SMARCAD1: variants seen among roughly 807,000 people sequenced by gnomAD.
SMARCAD1 encodes SWI/SNF-related matrix-associated actin-dependent regulator of chromatin subfamily A containing DEAD/H box 1.
In SMARCAD1, 25 loss-of-function variants were observed where a neutral mutation model predicts 127.1. That is an observed-to-expected ratio of 0.20 (90% CI 0.14 to 0.27). The LOEUF is 0.27. SMARCAD1 is among the 10% of genes least tolerant of loss of function. The pLI is 1.00. For missense variants in SMARCAD1, 807 were observed against 1,206.0 expected (o/e 0.67, Z 4.90); for synonymous variants, 400 against 396.9 (o/e 1.01, Z -0.09).
At chr4:94,271,620 T>C (rs984639625) in intron 11 of SMARCAD1, among the ~76,000 whole-genome samples, 2 of 152,244 alleles carry the variant, frequency 1.3e-5, no homozygotes, top group Non-Finnish European at 2.9e-5. Flanking sequence ...TATTTCATAC[T>C]GTCATTAAAA....
chr4:94,264,198 G>A, intron 9 of SMARCAD1, among the ~76,000 whole-genome samples: 1 of 151,924 alleles, frequency 6.6e-6, no homozygotes, highest in South Asian at 2.1e-4. Context: ...AACTTGAGGG[G>A]CTATACTTTG....
At chr4:94,235,725 A>G (rs1456356596) in intron 4 of SMARCAD1, among the ~76,000 whole-genome samples, 1 of 151,974 alleles carries the variant, frequency 6.6e-6, no homozygotes, top group East Asian at 1.9e-4. Flanking sequence ...AGAGCTTCTA[A>G]TAGAATAAAC....
At chr4:94,233,925 G>A (rs1025722333) in intron 3 of SMARCAD1, 29 bp from the exon 4 acceptor site, 1 of 1,610,090 alleles carries the variant, frequency 6.2e-7, no homozygotes, top group Non-Finnish European at 8.5e-7. Context: ...CATTAAAAAT[G>A]TTTTTTGCTC....
intron 19 of SMARCAD1, among the ~76,000 whole-genome samples, chr4:94,279,854 TTTCTTC>T (rs879305395): frequency 3.0e-4 from 45 of 152,158 alleles, no homozygotes; most frequent in Non-Finnish European, 4.9e-4. Context: ...AGCAACCCAT[TTTCTTC>T]CTTTTCTTTA....
chr4:94,237,212 A>G (rs536897724), intron 5 of SMARCAD1, among the ~76,000 whole-genome samples, 194 bp downstream of exon 5: 14 of 152,224 alleles, frequency 9.2e-5, no homozygotes, highest in African/African-American at 2.6e-4. Context: ...CTGCTTTTCT[A>G]CCAATCAAAT....
chr4:94,280,545 T>C, intron 19 of SMARCAD1, 47 bp from the exon 20 acceptor site: 1 of 1,496,766 alleles, frequency 6.7e-7, no homozygotes, highest in Non-Finnish European at 9.3e-7. Flanking sequence ...CATCATATTA[T>C]TAATTATTTT....
chr4:94,231,812 G>C (rs1312101751), intron 3 of SMARCAD1, among the ~76,000 whole-genome samples: 1 of 151,710 alleles, frequency 6.6e-6, no homozygotes, highest in African/African-American at 2.4e-5. Context: ...CCCCTTTTCT[G>C]CTTCTCTAAA....
At chr4:94,218,888 T>G (rs1409337044) in intron 2 of SMARCAD1, among the ~76,000 whole-genome samples, 1 of 152,134 alleles carries the variant, frequency 6.6e-6, no homozygotes, top group Non-Finnish European at 1.5e-5. Flanking sequence ...CATGGCTCAC[T>G]GCAACCTCTG....
At chr4:94,282,594 C>T (rs980249089) in intron 21 of SMARCAD1, among the ~76,000 whole-genome samples, 4 of 151,476 alleles carry the variant, frequency 2.6e-5, no homozygotes, top group Admixed American at 2.0e-4. Context: ...TTAATAAGGA[C>T]GGAATTGTGT....
intron 13 of SMARCAD1, 37 bp downstream of exon 13, chr4:94,274,834 T>G: frequency 6.2e-7 from 1 of 1,610,874 alleles, no homozygotes; most frequent in Non-Finnish European, 8.5e-7. Context: ...CTTTGGAAAT[T>G]AAAAATAAAG....
At position 94,280,786 on chromosome 4, in the gene SMARCAD1, A is replaced by T; in HGVS notation, c.2607+6A>T. 6.2e-7 allele frequency: 1 copy of T among 1,612,862 alleles called. No individual in the cohort carries two copies. The highest frequency in any genetic ancestry group is 8.5e-7 in the Non-Finnish European group (1 of 1,179,302). ...TGTCTGAATTGAAACAGAAGGTATT[A>T]AAAAAGAATGGCGTTTCTTTTGTAT... On this transcript the variant is annotated splice_donor_region_variant and intron_variant, in intron 20 of 23. Transcript: ENST00000354268.
intron 10 of SMARCAD1, among the ~76,000 whole-genome samples, chr4:94,269,913 T>G (rs561652745): frequency 1.3e-5 from 2 of 152,080 alleles, no homozygotes; most frequent in East Asian, 3.9e-4. Flanking sequence ...GCTCAAGCAA[T>G]CTGCCCAGCA....
chr4:94,211,907 C>T (rs1742330038), intron 2 of SMARCAD1, among the ~76,000 whole-genome samples: 1 of 128,572 alleles, frequency 7.8e-6, no homozygotes, highest in South Asian at 2.9e-4. Flanking sequence ...CCCAGCTTTA[C>T]TGTTATTTTT....
intron 20 of SMARCAD1, 81 bp from the exon 21 acceptor site, chr4:94,281,391 C>T: frequency 5.3e-6 from 5 of 948,406 alleles, no homozygotes; most frequent in Non-Finnish European, 8.7e-6. Flanking sequence ...ATAAGTAACA[C>T]TTCTAACTGT....
At chr4:94,252,537 GTT>G in intron 8 of SMARCAD1, 77 bp from the exon 9 acceptor site, 1 of 1,025,480 alleles carries the variant, frequency 9.8e-7, no homozygotes, top group Non-Finnish European at 1.4e-6. Context: ...ATAGGTAAAT[GTT>G]TTAAGTTTTT....
intron 23 of SMARCAD1, among the ~76,000 whole-genome samples, chr4:94,287,889 A>G (rs1232799409): frequency 6.6e-6 from 1 of 152,104 alleles, no homozygotes; most frequent in Non-Finnish European, 1.5e-5. Context: ...CGTGTGGTTC[A>G]TGCTTATAAT....
chr4:94,219,913 A>G (rs922001696), intron 2 of SMARCAD1, among the ~76,000 whole-genome samples: 2 of 152,334 alleles, frequency 1.3e-5, no homozygotes, highest in African/African-American at 4.8e-5. Flanking sequence ...TTAAACACAG[A>G]CAATATTCAG....
At position 94,284,348 on chromosome 4, in the gene SMARCAD1, A is replaced by AAAAG. The variant is rs1560571398; in HGVS notation, c.2910-609_2910-608insGAAA. ...TCTCAAAAAAAAAAAAAAAAAAAAA[A>AAAAG]AAAAAGAAAAAAGTAATTTCCATCT... is the stretch of plus-strand genomic sequence containing the variant. On this transcript the variant is annotated intron_variant, in intron 22 of 23. Coordinates refer to ENST00000354268, the MANE Select transcript of SMARCAD1 (RefSeq NM_020159.5). 7.0e-5 allele frequency among the ~76,000 whole-genome samples: 7 copies of AAAAG among 99,914 alleles called. 1 individual carries two copies. Among genetic ancestry groups the AAAAG allele is most frequent in the Admixed American group, 1.2e-4 (1 of 8,374 alleles). 65.5% of individuals were successfully genotyped at this position (99,914 alleles called of 152,430 possible).
chr4:94,231,663 A>G (rs1316694821), intron 3 of SMARCAD1, among the ~76,000 whole-genome samples: 1 of 152,090 alleles, frequency 6.6e-6, no homozygotes, highest in Non-Finnish European at 1.5e-5. Context: ...CCATCTATCA[A>G]TGAACAATTC....
Sources: gnomAD v4.1 joint callset for allele counts (sites outside exome capture counted in the v4.1 genomes callset) on GRCh38, gnomAD v4.1.1 for gene constraint, MANE v1.5 for transcripts, NCBI Gene and HGNC (gene_info 2026-07-23, HGNC 2026-07-21) for gene names.